CEP290: variants seen among roughly 807,000 people sequenced by gnomAD.
CEP290 encodes centrosomal protein of 290 kDa.
In CEP290, 317 loss-of-function variants were observed where a neutral mutation model predicts 344.9. That is an observed-to-expected ratio of 0.92 (90% confidence interval 0.84 to 1.01). The LOEUF (loss-of-function observed/expected upper bound fraction) is 1.01, where lower values mean the gene tolerates loss of function less well. CEP290 is among the 50% of genes least tolerant of loss of function. The pLI is 0.00. For missense variants in CEP290, 2,754 were observed against 2,761.4 expected (o/e 1.00, Z 0.06); for synonymous variants, 932 against 895.8 (o/e 1.04, Z -0.72).
At chr12:88,079,880 AAAAAG>A (rs1423563487) in intron 38 of CEP290, among the ~76,000 whole-genome samples, 1 of 152,110 alleles carries the variant, frequency 6.6e-6, no homozygotes, top group Non-Finnish European at 1.5e-5. Context: ...TCCAGTAGAA[AAAAAG>A]AAAATACAAT....
chr12:88,082,588 G>A (rs929417752), intron 37 of CEP290, among the ~76,000 whole-genome samples: 1 of 152,112 alleles, frequency 6.6e-6, no homozygotes, highest in Non-Finnish European at 1.5e-5. Context: ...CAGCTACTCT[G>A]CAGGCTGAGG....
chr12:88,136,685 G>A lies in CEP290; in HGVS notation c.399C>T (p.Asp133=). 6.2e-7 allele frequency: 1 copy of A among 1,613,478 alleles called. No homozygotes were observed. The change falls in exon 6 of 54, where the codon GAC becomes GAT. Residue 133 remains aspartate, a synonymous_variant. Coordinates refer to ENST00000552810, the MANE Select transcript of CEP290 (RefSeq NM_025114.4). The part of the protein sequence containing the change: ...QLEQKDRELE[D]MEKELEKEKK... ...TCTCTTTCTCCAACTCCTTTTCCATGTCCTCCAATTCTCTATCTTTTTGTT... is the reference window on the plus strand; with the variant it reads ...TCTCTTTCTCCAACTCCTTTTCCATATCCTCCAATTCTCTATCTTTTTGTT...
intron 25 of CEP290, among the ~76,000 whole-genome samples, chr12:88,104,940 A>G (rs1412860163): frequency 1.3e-5 from 2 of 152,158 alleles, no homozygotes; most frequent in African/African-American, 2.4e-5. Context: ...CTTACCCCAT[A>G]ATGTTATAAT....
chr12:88,106,897 G>C lies in CEP290; in HGVS notation c.2595C>G (p.Leu865=). The C allele has an allele frequency of 6.2e-7, 1 of 1,602,990 alleles. No homozygotes were observed. The highest frequency in any genetic ancestry group is 8.5e-7 in the Non-Finnish European group (1 of 1,174,290). Residue 865 remains leucine, a synonymous_variant, in exon 25 of 54, where the codon CTC becomes CTG. Coordinates refer to ENST00000552810, the MANE Select transcript of CEP290 (RefSeq NM_025114.4). ...CATCCGAATCCATCTGAAGAGCATT[G>C]AGCAAATTCTGCACAAAGACACATC... ...AIKVKEYNNL[L]NALQMDSDEM...
intron 6 of CEP290, among the ~76,000 whole-genome samples, chr12:88,132,273 C>T (rs2040118747): frequency 6.6e-6 from 1 of 152,124 alleles, no homozygotes; most frequent in African/African-American, 2.4e-5. Context: ...TCTGGTTCTC[C>T]TCTTTATTAA....
chr12:88,099,554 T>C (rs1001873444), intron 26 of CEP290, among the ~76,000 whole-genome samples: 10 of 152,166 alleles, frequency 6.6e-5, no homozygotes, highest in Non-Finnish European at 1.3e-4. Context: ...CTAGAACTTA[T>C]ATTTGAGTGG....
rs1195090301 is a variant in CEP290, at chr12:88,089,309, T to A, written c.3752A>T (p.Tyr1251Phe). The change falls in exon 31 of 54, where the codon TAT becomes TTT. Residue 1251 changes from tyrosine to phenylalanine, a missense_variant. Transcript: ENST00000552810. Reference protein sequence around the residue: ...KLDEKEQALYYARLEGRNRAK... With the variant: ...KLDEKEQALYFARLEGRNRAK... Reference sequence around the variant, plus strand: ...TCTGTTTCTTCCCTCCAAACGAGCATAATAGAGAGCCTGTTCTTTTTCATC... The same window carrying A: ...TCTGTTTCTTCCCTCCAAACGAGCAAAATAGAGAGCCTGTTCTTTTTCATC... 1.9e-6 allele frequency: 3 copies of A among 1,613,960 alleles called. No individual in the cohort carries two copies. The highest frequency in any genetic ancestry group is 4.5e-5 in the East Asian group (2 of 44,872).
intron 13 of CEP290, among the ~76,000 whole-genome samples, chr12:88,124,949 T>C (rs1033200854): frequency 6.6e-6 from 1 of 152,036 alleles, no homozygotes; most frequent in African/African-American, 2.4e-5. Flanking sequence ...TTGTTAATTA[T>C]AAAAAGTTAA....
At chr12:88,092,888 T>G (rs1324824626) in intron 28 of CEP290, 56 bp from the exon 29 acceptor site, 1 of 1,545,446 alleles carries the variant, frequency 6.5e-7, no homozygotes, top group Non-Finnish European at 8.9e-7. Flanking sequence ...GAGGTTTTCT[T>G]TGTAATTTAG....
At chr12:88,114,355 G>C in intron 20 of CEP290, 65 bp downstream of exon 20, 2 of 1,297,618 alleles carry the variant, frequency 1.5e-6, no homozygotes, top group Non-Finnish European at 2.1e-6. Context: ...ATGGAGATCT[G>C]TACACAGCAG....
In CEP290 at chr12:88,129,833, T is replaced by C; in HGVS notation, c.713A>G (p.Glu238Gly). 6.8e-7 allele frequency: 1 copy of C among 1,466,124 alleles called. No homozygotes were observed. Among genetic ancestry groups the C allele is most frequent in the Non-Finnish European group, 9.0e-7 (1 of 1,110,446 alleles). 90.8% of individuals were successfully genotyped at this position (1,466,124 alleles called of 1,614,324 possible). Residue 238 changes from glutamate (E) to glycine (G), a missense_variant, in exon 10 of 54, where the codon GAA becomes GGA. Glu to Gly is a moderately conservative substitution (Grantham distance 98). Transcript: ENST00000552810. ...AGACTCTTCTAAATTTTTTCTCATTTCTTGATTCTGAACTTCAATTTTCTC... is the reference window on the plus strand; with the variant it reads ...AGACTCTTCTAAATTTTTTCTCATTCCTTGATTCTGAACTTCAATTTTCTC... Reference protein sequence around the residue: ...ANEKIEVQNQEMRKNLEESVQ... With the variant: ...ANEKIEVQNQGMRKNLEESVQ...
chr12:88,095,278 G>C (rs1364036534), intron 27 of CEP290, among the ~76,000 whole-genome samples: 1 of 152,038 alleles, frequency 6.6e-6, no homozygotes, highest in Non-Finnish European at 1.5e-5. Context: ...CTTAAAGAGA[G>C]GGTAGAGCAC....
intron 37 of CEP290, among the ~76,000 whole-genome samples, chr12:88,080,631 T>C (rs1436521757): frequency 6.6e-6 from 1 of 152,154 alleles, no homozygotes; most frequent in Non-Finnish European, 1.5e-5. Flanking sequence ...GGTTTCACCA[T>C]GTTGGCCAGG....
intron 12 of CEP290, among the ~76,000 whole-genome samples, chr12:88,125,612 T>A (rs1012746112): frequency 1.3e-5 from 2 of 151,996 alleles, no homozygotes; most frequent in African/African-American, 4.8e-5. Flanking sequence ...TTTCCAGAAC[T>A]CCCTAATGTT....
chr12:88,085,833 C>T (rs2036535619), intron 34 of CEP290, among the ~76,000 whole-genome samples: 1 of 151,776 alleles, frequency 6.6e-6, no homozygotes, highest in Non-Finnish European at 1.5e-5. Context: ...CGAAAGGTAC[C>T]AACTAATAAT....
At position 88,072,053 on chromosome 12, in the gene CEP290, T is replaced by C. The variant is rs1473014907; in HGVS notation, c.5710-127A>G. ...TTTCCTAGAGAATATGTAAATATGT[T>C]CATTTTGCTATACAGGTTGAGTATC... On this transcript the variant is annotated intron_variant, in intron 41 of 53. Coordinates refer to ENST00000552810, the MANE Select transcript of CEP290 (RefSeq NM_025114.4). The C allele has an allele frequency of 6.7e-6, 6 of 893,302 alleles. No individual in the cohort carries two copies. The Admixed American group carries it at 2.2e-4, about 32-fold the overall frequency. The allele number at this position is 893,302 out of a possible 1,614,324, so 55.3% of individuals were successfully genotyped here.
chr12:88,124,656 A>G (rs2039625087), intron 13 of CEP290, among the ~76,000 whole-genome samples: 1 of 152,120 alleles, frequency 6.6e-6, no homozygotes, highest in Non-Finnish European at 1.5e-5. Context: ...GTATACATAT[A>G]TACATAGTCA....
In CEP290 at chr12:88,102,843, G is replaced by A. The variant is rs759867592; in HGVS notation, c.2986C>T (p.Leu996=). ...CAAGAATCACACAAACTTACCTCCA[G>A]GTGTTCCAAGTTACTTGTTCTTTGA... is the stretch of plus-strand genomic sequence containing the variant. The part of the protein sequence containing the change: ...LVQRTSNLEH[L]ECENISLKEQ... Residue 996 remains leucine, a synonymous_variant, in exon 26 of 54, where the codon CTG becomes TTG. Coordinates refer to ENST00000552810, the MANE Select transcript of CEP290 (RefSeq NM_025114.4). The A allele has an allele frequency of 3.1e-6, 5 of 1,608,470 alleles. No homozygotes were observed. The highest frequency in any genetic ancestry group is 4.2e-6 in the Non-Finnish European group (5 of 1,177,606).
At chr12:88,072,407 T>C (rs2035448941) in intron 41 of CEP290, among the ~76,000 whole-genome samples, 1 of 152,182 alleles carries the variant, frequency 6.6e-6, no homozygotes, top group African/African-American at 2.4e-5. Context: ...ATTTTTGGAT[T>C]AGATGTTCAA....
Sources: gnomAD v4.1 joint callset for allele counts (sites outside exome capture counted in the v4.1 genomes callset) on GRCh38, gnomAD v4.1.1 for gene constraint, MANE v1.5 for transcripts, NCBI Gene and HGNC (gene_info 2026-07-23, HGNC 2026-07-21) for gene names.